The following SEC31A variants were observed in gnomAD, a reference collection of about 807,000 sequenced individuals.
The protein encoded by SEC31A is protein transport protein Sec31A.
A neutral mutation model predicts 151.0 loss-of-function variants in SEC31A; 70 were observed. That is an observed-to-expected ratio of 0.46 (90% confidence interval 0.38 to 0.57). The LOEUF is 0.57. Ranked by LOEUF, SEC31A falls within the 20% of genes least tolerant of loss-of-function variation. The probability of loss-of-function intolerance (pLI) is 0.00; values close to 1 mark genes in which losing one functional copy is unlikely to be tolerated. For synonymous variants in SEC31A, 475 were observed against 505.9 expected (o/e 0.94, Z 0.82); for missense variants, 1,330 against 1,471.2 (o/e 0.90, Z 1.57).
chr4:82,891,452 G>A, upstream of SEC31A, among the ~76,000 whole-genome samples: 1 of 152,254 alleles, frequency 6.6e-6, no homozygotes. Context: ...AAGGACTAGT[G>A]CAGAGGGTGT....
Position 82,851,504 on chromosome 4 carries a change from T to C in SEC31A, c.2255A>G (p.Gln752Arg). The C allele has an allele frequency of 6.2e-7, 1 of 1,614,170 alleles. No individual in the cohort carries two copies. Among genetic ancestry groups the C allele is most frequent in the Non-Finnish European group, 8.5e-7 (1 of 1,179,990 alleles). The change falls in exon 19 of 27, where the codon CAG becomes CGG. Residue 752 changes from glutamine (Q) to arginine (R), a missense_variant. Coordinates refer to ENST00000395310, the MANE Select transcript of SEC31A (RefSeq NM_001077207.4). Reference sequence around the variant, plus strand: ...CTGAGCTGCCAACAAATTGGCATACTGACTCATCTTCGCAGCCAAGAGAAC... The same window carrying C: ...CTGAGCTGCCAACAAATTGGCATACCGACTCATCTTCGCAGCCAAGAGAAC... ...VGVLLAAKMS[Q>R]YANLLAAQGS...
At chr4:82,851,691 T>C in intron 18 of SEC31A, 87 bp from the exon 19 acceptor site, 1 of 1,108,848 alleles carries the variant, frequency 9.0e-7, no homozygotes, top group South Asian at 1.6e-5. Flanking sequence ...CTAAGATTTC[T>C]AAAACCCACT....
chr4:82,850,723 C>T (rs1324221494), intron 19 of SEC31A, among the ~76,000 whole-genome samples: 1 of 152,120 alleles, frequency 6.6e-6, no homozygotes, highest in African/African-American at 2.4e-5. Flanking sequence ...TTGTTGGGTT[C>T]CACAGCACCA....
intron 19 of SEC31A, among the ~76,000 whole-genome samples, chr4:82,849,357 G>A (rs971628326): frequency 3.3e-5 from 5 of 152,124 alleles, no homozygotes; most frequent in African/African-American, 1.2e-4. Context: ...GTTCACGCCT[G>A]CAATCCCAGC....
intron 12 of SEC31A, 55 bp downstream of exon 12, chr4:82,863,263 T>C: frequency 9.7e-7 from 1 of 1,030,458 alleles, no homozygotes; most frequent in Non-Finnish European, 1.5e-6. Flanking sequence ...AGAACTTTAT[T>C]TTTTAAAAGT....
intron 6 of SEC31A, 84 bp from the exon 7 acceptor site, chr4:82,872,170 A>C: frequency 1.0e-6 from 1 of 998,250 alleles, no homozygotes; most frequent in East Asian, 2.6e-5. Context: ...CCTTTATTGA[A>C]ACAAATAGTG....
intron 22 of SEC31A, among the ~76,000 whole-genome samples, chr4:82,840,358 A>G (rs1257993762): frequency 6.6e-6 from 1 of 152,178 alleles, no homozygotes; most frequent in Non-Finnish European, 1.5e-5. Context: ...ACTACCGAGA[A>G]AGGATACTAT....
Position 82,878,869 on chromosome 4 carries a change from A to C in SEC31A, c.263T>G (p.Val88Gly). 6.2e-7 allele frequency: 1 copy of C among 1,614,054 alleles called. No individual in the cohort carries two copies. The highest frequency in any genetic ancestry group is 8.5e-7 in the Non-Finnish European group (1 of 1,179,924). Residue 88 changes from valine to glycine, a missense_variant, in exon 4 of 27, where the codon GTT becomes GGT. By Grantham distance (109) the Val-to-Gly change is moderately radical. Transcript: ENST00000395310. ...TCCATTTTCACCACCTGCAATCAGA[A>C]CTCCAGAGACATCTCCTTTGGAATC... is the stretch of plus-strand genomic sequence containing the variant. ...KMDSKGDVSG[V>G]LIAGGENGNI...
At chr4:82,837,438 C>T (rs559957564) in intron 22 of SEC31A, among the ~76,000 whole-genome samples, 1 of 151,896 alleles carries the variant, frequency 6.6e-6, no homozygotes, top group African/African-American at 2.4e-5. Flanking sequence ...GGTCTCACTG[C>T]CGCCTAGGTG....
At chr4:82,891,902 A>G (rs1186769388), upstream of SEC31A, among the ~76,000 whole-genome samples, 3 of 152,226 alleles carry the variant, frequency 2.0e-5, no homozygotes, top group Admixed American at 2.0e-4. Flanking sequence ...CCAAAGGAAA[A>G]TCACTTGCTA....
rs114336256 is a variant in SEC31A at position 82,842,023 on chromosome 4, G to A, written c.2968+117C>T. On this transcript the variant is annotated intron_variant, in intron 22 of 26. Transcript: ENST00000395310. ...ACACAAAAAACAAACCCAAACCTCA[G>A]TCAACACCTCACATTACCCAGTTTA... 6 of 834,278 alleles carry A rather than the reference G, an allele frequency of 7.2e-6. No individual in the cohort carries two copies. In the African/African-American group the frequency reaches 1.0e-4, roughly 15 times the overall value. The allele number at this position is 834,278 out of a possible 1,614,324, so 51.7% of individuals were successfully genotyped here. A position where few individuals can be genotyped will look rare whatever the true frequency, so the allele number is the denominator to read the frequency against.
intron 14 of SEC31A, among the ~76,000 whole-genome samples, chr4:82,860,853 T>G (rs1198197354): frequency 1.3e-5 from 2 of 152,146 alleles, no homozygotes; most frequent in Non-Finnish European, 2.9e-5. Context: ...GATCCACTTC[T>G]AAGGAGAATG....
At chr4:82,853,748 AC>A (rs1731942581) in intron 17 of SEC31A, 33 bp from the exon 18 acceptor site, 1 of 1,567,376 alleles carries the variant, frequency 6.4e-7, no homozygotes, top group Admixed American at 2.0e-5. Flanking sequence ...ATAAGATTAT[AC>A]CCAAGGCAAT....
At chr4:82,845,314 C>A in intron 20 of SEC31A, 7 of 1,286,190 alleles carry the variant, frequency 5.4e-6, no homozygotes, top group South Asian at 4.7e-5. Flanking sequence ...CAAAGAAATA[C>A]CAATCACAGA....
At chr4:82,845,340 A>T in intron 20 of SEC31A, 1 of 1,144,238 alleles carries the variant, frequency 8.7e-7, no homozygotes, top group Non-Finnish European at 1.2e-6. Flanking sequence ...AAAAATGAAA[A>T]CGTTAAAAGA....
intron 6 of SEC31A, among the ~76,000 whole-genome samples, chr4:82,874,135 C>G (rs1028925825): frequency 6.6e-6 from 1 of 151,698 alleles, no homozygotes; most frequent in Non-Finnish European, 1.5e-5. Flanking sequence ...CCATCTCTAC[C>G]AAAAATACAA....
At chr4:82,897,985 C>T (rs1720136520) in intron 3 of SEC31A, 1 of 152,306 alleles carries the variant, frequency 6.6e-6, no homozygotes, top group Non-Finnish European at 1.5e-5. Context: ...GAAAGATATA[C>T]TACCTTCCCT....
intron 21 of SEC31A, chr4:82,842,741 A>G (rs961961221): frequency 8.5e-6 from 3 of 354,316 alleles, no homozygotes; most frequent in African/African-American, 2.1e-5. Context: ...AGACCCAAGA[A>G]CTGCAAGACT....
rs1232505696 is a variant in SEC31A at position 82,867,142 on chromosome 4, C to T, written c.1044+13G>A. On this transcript the variant is annotated intron_variant, in intron 9 of 26. Transcript: ENST00000395310. ...CAGGCATTATAATAGAAAACTTTAA[C>T]ACTTCCTATTACCTTGTCAACTTGT... The T allele has an allele frequency of 6.2e-7, 1 of 1,605,928 alleles. No homozygotes were observed.
Sources: gnomAD v4.1 joint callset for allele counts (sites outside exome capture counted in the v4.1 genomes callset) on GRCh38, gnomAD v4.1.1 for gene constraint, MANE v1.5 for transcripts, NCBI Gene and HGNC (gene_info 2026-07-23, HGNC 2026-07-21) for gene names.